Variants in GGNBP2 observed in about 807,000 individuals in gnomAD.
The protein encoded by GGNBP2 is gametogenetin-binding protein 2.
Under a neutral mutation model 85.9 loss-of-function variants are expected in GGNBP2, and 10 were observed. The ratio of observed to expected loss-of-function variants is 0.12; its 90% CI spans 0.07 to 0.20. The LOEUF (loss-of-function observed/expected upper bound fraction) is 0.20. GGNBP2 is among the 10% of genes least tolerant of loss of function. The pLI is 1.00. For missense variants in GGNBP2, 595 were observed against 857.8 expected (o/e 0.69, Z 3.83); for synonymous variants, 287 against 285.7 (o/e 1.00, Z -0.05).
chr17:36,571,618 G>A (rs1038057978), intron 6 of GGNBP2, among the ~76,000 whole-genome samples: 83 of 152,050 alleles, frequency 5.5e-4, no homozygotes, highest in Non-Finnish European at 1.1e-3. Context: ...GAGGCGGGCG[G>A]ATCATGAGGT....
At chr17:36,548,950 A>G (rs1200532016) in intron 2 of GGNBP2, among the ~76,000 whole-genome samples, 1 of 152,156 alleles carries the variant, frequency 6.6e-6, no homozygotes, top group East Asian at 1.9e-4. Flanking sequence ...GTTTCAAAAA[A>G]AAAAATAGCC....
intron 12 of GGNBP2, chr17:36,586,658 G>A (rs535175891): frequency 6.1e-5 from 16 of 262,910 alleles, no homozygotes; most frequent in African/African-American, 2.6e-4. Context: ...TCACTCTGTC[G>A]CCTATACTAG....
In GGNBP2 at chr17:36,544,995, C is replaced by G. The variant is rs912353576; in HGVS notation, c.-209C>G. The G allele has an allele frequency of 7.2e-5, 11 of 152,768 alleles. No individual in the cohort carries two copies. The highest frequency in any genetic ancestry group is 2.4e-4 in the African/African-American group (10 of 41,404). The allele number at this position is 152,768 out of a possible 1,614,324, so 9.5% of individuals were successfully genotyped here. A position where few individuals can be genotyped will look rare whatever the true frequency, so the allele number is the denominator to read the frequency against. ...AGCTGCGCTCCCGCCCACGCCGGCC[C>G]TGACGCGGGCCTCGTCAGCCAGTAA... On this transcript the variant is annotated 5_prime_UTR_variant, in exon 1 of 14. Coordinates refer to ENST00000613102, the MANE Select transcript of GGNBP2 (RefSeq NM_024835.5).
chr17:36,545,972 G>GCT, intron 2 of GGNBP2, 155 bp downstream of exon 2: 1 of 579,224 alleles, frequency 1.7e-6, no homozygotes, highest in Non-Finnish European at 3.1e-6. Context: ...ACTCGCCTTT[G>GCT]CAGTGGGTGG....
intron 4 of GGNBP2, among the ~76,000 whole-genome samples, chr17:36,558,149 C>T (rs916573266): frequency 2.0e-5 from 3 of 151,912 alleles, no homozygotes; most frequent in African/African-American, 7.2e-5. Context: ...CGCGGTGGCT[C>T]ACGCCTATAA....
intron 13 of GGNBP2, 117 bp downstream of exon 13, chr17:36,587,362 G>A: frequency 9.4e-7 from 1 of 1,067,322 alleles, no homozygotes; most frequent in Non-Finnish European, 1.4e-6. Context: ...GAGAAATTAA[G>A]GGTAGTATTT....
At chr17:36,582,740 G>C (rs753218256) in intron 9 of GGNBP2, among the ~76,000 whole-genome samples, 3 of 152,066 alleles carry the variant, frequency 2.0e-5, no homozygotes, top group African/African-American at 7.2e-5. Context: ...TGTATTATTA[G>C]ATCAAAGTCA....
At chr17:36,562,738 G>T (rs1828138485) in intron 5 of GGNBP2, among the ~76,000 whole-genome samples, 1 of 151,036 alleles carries the variant, frequency 6.6e-6, no homozygotes. Context: ...AGGCCGAGAC[G>T]AGCAGATCAC....
intron 10 of GGNBP2, 35 bp from the exon 11 acceptor site, chr17:36,585,805 A>T (rs2074695077): frequency 6.3e-7 from 1 of 1,585,476 alleles, no homozygotes; most frequent in Non-Finnish European, 8.6e-7. Context: ...ACTTATTGGT[A>T]TGTTAATAGT....
chr17:36,558,284 G>A (rs1380989653), intron 4 of GGNBP2, among the ~76,000 whole-genome samples: 2 of 150,390 alleles, frequency 1.3e-5, no homozygotes, highest in Non-Finnish European at 3.0e-5. Context: ...GAGTGGTGGC[G>A]GGTCCCTGTA....
chr17:36,586,917 C>CTTTTT, intron 12 of GGNBP2, 80 bp from the exon 13 acceptor site: 4 of 1,069,430 alleles, frequency 3.7e-6, no homozygotes, highest in Non-Finnish European at 5.1e-6. Context: ...CCGTGCCCCG[C>CTTTTT]TTTTTTTTTT....
At chr17:36,549,406 A>G (rs372764712) in intron 2 of GGNBP2, among the ~76,000 whole-genome samples, 57 of 152,268 alleles carry the variant, frequency 3.7e-4, no homozygotes, top group Non-Finnish European at 6.6e-4. Flanking sequence ...GGGTTTCCCT[A>G]TGTTGGCCAG....
At position 36,581,494 on chromosome 17, in the gene GGNBP2, A is replaced by G. The variant is rs555095991; in HGVS notation, c.1171A>G (p.Thr391Ala). 5.3e-5 allele frequency: 85 copies of G among 1,612,332 alleles called. 1 individual carries two copies. The South Asian group carries it at 8.4e-4, about 16-fold the overall frequency. Reference sequence around the variant, plus strand: ...AAATAAGTGTGTGTGTGATATTCCTACTCCCTTACAAACAGCAGATGAAAA... The same window carrying G: ...AAATAAGTGTGTGTGTGATATTCCTGCTCCCTTACAAACAGCAGATGAAAA... ...RKNKCVCDIP[T>A]PLQTADEKEV... The change falls in exon 9 of 14, where the codon ACT becomes GCT. Residue 391 changes from threonine to alanine, a missense_variant. Physicochemically the swap from Thr to Ala is moderately conservative, Grantham distance 58 (BLOSUM62 0). Transcript: ENST00000613102.
At chr17:36,557,726 G>A (rs1479851885) in intron 4 of GGNBP2, among the ~76,000 whole-genome samples, 3 of 152,190 alleles carry the variant, frequency 2.0e-5, no homozygotes, top group African/African-American at 4.8e-5. Context: ...AGGTTCTGAG[G>A]TTGGGGTTTT....
chr17:36,577,713 A>AT (rs1160428638), intron 6 of GGNBP2: 1 of 476,052 alleles, frequency 2.1e-6, no homozygotes, highest in African/African-American at 2.0e-5. Flanking sequence ...CTGGGCATGC[A>AT]TTTTATGAAA....
chr17:36,554,461 G>A (rs935190633), intron 2 of GGNBP2, among the ~76,000 whole-genome samples: 3 of 136,442 alleles, frequency 2.2e-5, no homozygotes, highest in African/African-American at 5.4e-5. Context: ...TCTGCCTCCC[G>A]GGTTCAAGTG....
chr17:36,579,494 C>T, intron 8 of GGNBP2, 75 bp downstream of exon 8: 1 of 1,290,924 alleles, frequency 7.7e-7, no homozygotes, highest in South Asian at 1.3e-5. Context: ...TGTAAGCCAC[C>T]AGTGCCTAAA....
intron 5 of GGNBP2, among the ~76,000 whole-genome samples, chr17:36,561,964 A>C (rs2074421516): frequency 6.6e-6 from 1 of 151,938 alleles, no homozygotes; most frequent in South Asian, 2.1e-4. Context: ...AATAATTTGT[A>C]GTTTTCTTCT....
chr17:36,545,368 C>T (rs1445024803), intron 1 of GGNBP2: 2 of 245,478 alleles, frequency 8.1e-6, no homozygotes, highest in Non-Finnish European at 7.5e-6. Flanking sequence ...AGGCCGGTCC[C>T]TTCCGCCTCT....
Sources: gnomAD v4.1 joint callset for allele counts (sites outside exome capture counted in the v4.1 genomes callset) on GRCh38, gnomAD v4.1.1 for gene constraint, MANE v1.5 for transcripts, NCBI Gene and HGNC (gene_info 2026-07-23, HGNC 2026-07-21) for gene names.